Variants in ARSG observed in about 807,000 individuals in gnomAD.
The protein encoded by ARSG is arylsulfatase G, also known as ASG.
ARSG carries 37 observed loss-of-function variants against 50.5 expected under a neutral mutation model. That is an observed-to-expected ratio of 0.73 (90% CI 0.56 to 0.96). The LOEUF (loss-of-function observed/expected upper bound fraction) is 0.96. ARSG is among the 50% of genes least tolerant of loss of function. The probability of loss-of-function intolerance (pLI) is 0.00; values close to 1 mark genes in which losing one functional copy is unlikely to be tolerated. For synonymous variants in ARSG, 225 were observed against 254.6 expected, an observed-to-expected ratio of 0.88 and a Z score of 1.11; for missense variants, 629 against 675.3, an observed-to-expected ratio of 0.93 and a Z score of 0.76.
At chr17:68,313,691 T>TTTTC (rs1642258873) in intron 2 of ARSG, among the ~76,000 whole-genome samples, 2 of 150,190 alleles carry the variant, frequency 1.3e-5, no homozygotes, top group South Asian at 4.2e-4. Flanking sequence ...CTCTTTTTTT[T>TTTTC]TTTTTTGAGA....
intron 4 of ARSG, among the ~76,000 whole-genome samples, chr17:68,348,076 G>A (rs2078592579): frequency 6.6e-6 from 1 of 152,172 alleles, no homozygotes; most frequent in South Asian, 2.1e-4. Context: ...CCCATTGGCT[G>A]ACGTCTTCTT....
intron 1 of ARSG, chr17:68,273,980 G>A: frequency 1.2e-6 from 2 of 1,614,160 alleles, no homozygotes; most frequent in Non-Finnish European, 1.7e-6. Flanking sequence ...TGAGAAGGAG[G>A]CGGCCACCAT....
intron 1 of ARSG, among the ~76,000 whole-genome samples, chr17:68,262,025 C>T (rs1325670918): frequency 2.0e-5 from 3 of 151,852 alleles, no homozygotes; most frequent in Admixed American, 1.3e-4. Flanking sequence ...GGTGTGGTGG[C>T]GGGTGCCTGT....
In ARSG at chr17:68,321,294, A is replaced by G. The variant is rs568551414; in HGVS notation, c.218+13583A>G. Among the ~76,000 whole-genome samples the G allele has an allele frequency of 5.8e-4, 88 of 152,306 alleles. No homozygotes were observed. The South Asian group carries it at 6.2e-3, about 11-fold the overall frequency. On this transcript the variant is annotated intron_variant, in intron 2 of 11. Coordinates refer to ENST00000621439, the MANE Select transcript of ARSG (RefSeq NM_001267727.2). ...CTGCCACATTTGCTTGTAGCTTACA[A>G]AGGGCCTGCGTATCCATGATCTCAA...
chr17:68,357,981 A>G (rs895607152), intron 6 of ARSG, among the ~76,000 whole-genome samples: 3 of 152,248 alleles, frequency 2.0e-5, no homozygotes, highest in South Asian at 2.1e-4. Context: ...AGATGGGCAG[A>G]TTGTTTGAGT....
At chr17:68,283,292 A>G (rs554997444) in intron 1 of ARSG, among the ~76,000 whole-genome samples, 10 of 151,288 alleles carry the variant, frequency 6.6e-5, no homozygotes, top group African/African-American at 2.2e-4. Flanking sequence ...AGGCCGAGGC[A>G]GGCGAATCAC....
intron 1 of ARSG, chr17:68,268,042 C>T (rs532210922): frequency 2.0e-5 from 3 of 152,144 alleles, no homozygotes; most frequent in Admixed American, 2.0e-4. Context: ...AAAGCTAAGG[C>T]GATTTGCAAT....
At chr17:68,349,643 G>A (rs1161038797) in intron 4 of ARSG, among the ~76,000 whole-genome samples, 4 of 152,214 alleles carry the variant, frequency 2.6e-5, no homozygotes, top group Non-Finnish European at 4.4e-5. Context: ...CAGCACTTTG[G>A]GAGGCCGAGG....
At chr17:68,323,501 C>T (rs782053837) in intron 2 of ARSG, among the ~76,000 whole-genome samples, 8 of 152,116 alleles carry the variant, frequency 5.3e-5, no homozygotes, top group Non-Finnish European at 8.8e-5. Flanking sequence ...CCTTCCACTT[C>T]ACCTTCCCAA....
At chr17:68,370,643 AAACAGGG>A in intron 8 of ARSG, 119 bp downstream of exon 8, 1 of 860,430 alleles carries the variant, frequency 1.2e-6, no homozygotes, top group South Asian at 1.6e-5. Context: ...CATCATTGTG[AAACAGGG>A]ACACATTTGC....
intron 2 of ARSG, among the ~76,000 whole-genome samples, chr17:68,331,321 G>T (rs1001856232): frequency 6.7e-6 from 1 of 149,952 alleles, no homozygotes; most frequent in African/African-American, 2.5e-5. Flanking sequence ...CACAATCTCG[G>T]CTCACTGAAA....
rs1436983746 is a variant in ARSG at position 68,367,599 on chromosome 17, A to G, written c.705-949A>G. Among the ~76,000 whole-genome samples the G allele has an allele frequency of 6.6e-6, 1 of 152,148 alleles. No individual in the cohort carries two copies. The highest frequency in any genetic ancestry group is 1.5e-5 in the Non-Finnish European group (1 of 68,030). On this transcript the variant is annotated intron_variant, in intron 6 of 11. Transcript: ENST00000621439. The surrounding 1 kb of genome is among the most constrained non-coding windows in gnomAD (Gnocchi z 4.5). ...AGTAGGACTGGGACCTTTGCTTGGA[A>G]GCCACGCCAGCTCCCTCCAAGCCTT...
intron 8 of ARSG, among the ~76,000 whole-genome samples, chr17:68,379,421 ATTTTTT>A (rs375841879): frequency 0.016 from 1,129 of 72,228 alleles, 15 homozygotes; most frequent in Middle Eastern, 0.045. Context: ...GAACACTACA[ATTTTTT>A]TTTTTTTTTT....
chr17:68,330,978 C>CA lies in ARSG; in HGVS notation c.219-12626_219-12625insA, dbSNP rs1337559665. ...ACTTTTCTTTATTTCTTTTTTTTTG[C>CA]GGGGGGGGGGGGAGGTGGTGGGCGG... On this transcript the variant is annotated intron_variant, in intron 2 of 11. Transcript: ENST00000621439. Among the ~76,000 whole-genome samples the CA allele has an allele frequency of 6.1e-5, 4 of 65,794 alleles. 1 individual carries two copies. The highest frequency in any genetic ancestry group is 1.1e-4 in the African/African-American group (2 of 17,608). 43.2% of individuals were successfully genotyped at this position (65,794 alleles called of 152,430 possible).
downstream of ARSG, chr17:68,427,203 G>A: frequency 6.2e-7 from 1 of 1,614,152 alleles, no homozygotes; most frequent in Non-Finnish European, 8.5e-7. Flanking sequence ...AGGTAAGGAA[G>A]GTCTGAGGTC....
intron 2 of ARSG, among the ~76,000 whole-genome samples, chr17:68,318,670 C>T (rs1445185816): frequency 6.6e-6 from 1 of 152,196 alleles, no homozygotes; most frequent in Admixed American, 6.5e-5. Flanking sequence ...CGTTGATTTG[C>T]AATATGTTAA....
intron 2 of ARSG, among the ~76,000 whole-genome samples, chr17:68,318,839 G>A (rs1044171943): frequency 1.3e-5 from 2 of 151,694 alleles, no homozygotes; most frequent in Non-Finnish European, 1.5e-5. Flanking sequence ...GGGCTCCCAG[G>A]GACTTGAGGC....
At chr17:68,434,912 C>A in the ARSG span, among the ~76,000 whole-genome samples, 4 of 152,084 alleles carry the variant, frequency 2.6e-5, no homozygotes. Flanking sequence ...CTTAGAATTT[C>A]AATTTGAGGC....
At chr17:68,431,282 C>A in the ARSG span, among the ~76,000 whole-genome samples, 232 of 152,292 alleles carry the variant, frequency 1.5e-3, 1 homozygote, top group Non-Finnish European at 2.0e-3. Context: ...GTTTCCGTGT[C>A]CAGATTTCCT....
Sources: gnomAD v4.1 joint callset for allele counts (sites outside exome capture counted in the v4.1 genomes callset) on GRCh38, gnomAD v4.1.1 for gene constraint, Gnocchi (gnomAD v3.1) non-coding constraint, MANE v1.5 for transcripts, NCBI Gene and HGNC (gene_info 2026-07-23, HGNC 2026-07-21) for gene names.